Variants in PTCHD4 observed in about 807,000 individuals in gnomAD.
PTCHD4 encodes patched domain-containing protein 4.
Under a neutral mutation model 58.1 loss-of-function variants are expected in PTCHD4, and 33 were observed. The ratio of observed to expected loss-of-function variants is 0.57; its 90% CI spans 0.43 to 0.76. The LOEUF (loss-of-function observed/expected upper bound fraction) is 0.76, where lower values mean the gene tolerates loss of function less well. PTCHD4 is among the 30% of genes least tolerant of loss of function. PTCHD4 has a pLI of 0.00. For synonymous variants in PTCHD4, 478 were observed against 409.6 expected, an observed-to-expected ratio of 1.17 and a Z score of -2.02; for missense variants, 1,058 against 1,027.1, an observed-to-expected ratio of 1.03 and a Z score of -0.41.
intron 3 of PTCHD4, among the ~76,000 whole-genome samples, chr6:48,017,562 G>A (rs2114103318): frequency 6.6e-6 from 1 of 152,288 alleles, no homozygotes; most frequent in East Asian, 1.9e-4. Context: ...GGACTTGGTT[G>A]GAAATTTTTA....
At chr6:48,006,468 A>C (rs1417537471) in intron 4 of PTCHD4, among the ~76,000 whole-genome samples, 2 of 152,208 alleles carry the variant, frequency 1.3e-5, no homozygotes, top group African/African-American at 4.8e-5. Flanking sequence ...AACCCTGGAA[A>C]GCAGTAAGGT....
chr6:47,969,849 A>G (rs1767436179), intron 4 of PTCHD4, among the ~76,000 whole-genome samples: 1 of 152,186 alleles, frequency 6.6e-6, no homozygotes, highest in Non-Finnish European at 1.5e-5. Context: ...GCAAATGAAA[A>G]TTACAGAAAA....
At chr6:48,062,312 A>T (rs973088442) in intron 3 of PTCHD4, among the ~76,000 whole-genome samples, 1 of 152,144 alleles carries the variant, frequency 6.6e-6, no homozygotes, top group Non-Finnish European at 1.5e-5. Flanking sequence ...ATACACTTCC[A>T]TCATGATGTG....
intron 3 of PTCHD4, among the ~76,000 whole-genome samples, chr6:48,018,278 T>C (rs1762935431): frequency 1.3e-5 from 2 of 152,202 alleles, no homozygotes; most frequent in African/African-American, 4.8e-5. Flanking sequence ...AGCACCCTCA[T>C]CTCCAAAATA....
At chr6:48,084,712 T>G (rs1427744873) in intron 1 of PTCHD4, among the ~76,000 whole-genome samples, 1 of 151,496 alleles carries the variant, frequency 6.6e-6, no homozygotes, top group Non-Finnish European at 1.5e-5. Flanking sequence ...TGATTGAGAG[T>G]ACTTTTCTTT....
In PTCHD4 at chr6:47,857,371, G is replaced by T. The variant is rs755759405; in HGVS notation, c.*20932C>A. Among the ~76,000 whole-genome samples the T allele has an allele frequency of 2.6e-5, 4 of 152,042 alleles. No homozygotes were observed. The highest frequency in any genetic ancestry group is 5.9e-5 in the Non-Finnish European group (4 of 67,984). On this transcript the variant is annotated 3_prime_UTR_variant, in exon 5 of 5. Coordinates refer to ENST00000339488, the MANE Select transcript of PTCHD4 (RefSeq NM_001384253.1). ...ATGTAGGGCATAACTTCTATCCTGT[G>T]ATAGTACATCATTAAAAAGTATCTT...
chr6:47,929,072 A>G (rs1765724849), intron 4 of PTCHD4, among the ~76,000 whole-genome samples: 1 of 152,216 alleles, frequency 6.6e-6, no homozygotes, highest in African/African-American at 2.4e-5. Context: ...TATTATAAAA[A>G]TCATACATTG....
At chr6:47,905,690 A>G (rs1319128285) in intron 4 of PTCHD4, among the ~76,000 whole-genome samples, 1 of 152,222 alleles carries the variant, frequency 6.6e-6, no homozygotes, top group Non-Finnish European at 1.5e-5. Context: ...CAATGTGCAT[A>G]ATACATCAAC....
chr6:48,028,757 G>C (rs556066028), intron 3 of PTCHD4, among the ~76,000 whole-genome samples: 3 of 151,946 alleles, frequency 2.0e-5, no homozygotes, highest in Non-Finnish European at 4.4e-5. Context: ...ATTGTTCATA[G>C]TAATCTGACA....
chr6:47,866,889 T>G lies in PTCHD4; in HGVS notation c.*11414A>C, dbSNP rs1266847647. On this transcript the variant is annotated 3_prime_UTR_variant, in exon 5 of 5. Coordinates refer to ENST00000339488, the MANE Select transcript of PTCHD4 (RefSeq NM_001384253.1). ...TTTAAGCATTTTAACAAACTCATTG[T>G]CTTAAAATTTACATTTAGAAAAGGA... Among the ~76,000 whole-genome samples the G allele has an allele frequency of 6.6e-6, 1 of 151,896 alleles. No individual in the cohort carries two copies. The highest frequency in any genetic ancestry group is 1.5e-5 in the Non-Finnish European group (1 of 67,878).
At chr6:47,909,389 T>C (rs780177851) in intron 4 of PTCHD4, among the ~76,000 whole-genome samples, 5 of 152,156 alleles carry the variant, frequency 3.3e-5, no homozygotes, top group Non-Finnish European at 2.9e-5. Flanking sequence ...CATGATATTA[T>C]CATAAACCAG....
rs1208069318 is a variant in PTCHD4 at position 47,859,363 on chromosome 6, G to A, written c.*18940C>T. Among the ~76,000 whole-genome samples the A allele has an allele frequency of 2.6e-5, 4 of 151,944 alleles. No homozygotes were observed. Among genetic ancestry groups the A allele is most frequent in the Admixed American group, 2.0e-4 (3 of 15,220 alleles). The stretch of plus-strand genomic sequence containing the variant: ...TTTAAGCTACTGATAAATATTTAAG[G>A]GAGTGCAGGGGTAGATGTTAATATT... On this transcript the variant is annotated 3_prime_UTR_variant, in exon 5 of 5. Transcript: ENST00000339488.
chr6:47,887,162 A>T (rs16876751), intron 4 of PTCHD4, among the ~76,000 whole-genome samples: 5,379 of 151,360 alleles, frequency 0.036, 149 homozygotes, highest in Non-Finnish European at 0.048. Context: ...TATTATTGTA[A>T]TGATACTTAC....
intron 4 of PTCHD4, among the ~76,000 whole-genome samples, chr6:47,944,527 A>G (rs1335231947): frequency 6.6e-6 from 1 of 152,120 alleles, no homozygotes; most frequent in African/African-American, 2.4e-5. Flanking sequence ...ATATAGTTAA[A>G]GCTTTAACAG....
intron 4 of PTCHD4, among the ~76,000 whole-genome samples, chr6:47,880,566 G>C (rs1295652863): frequency 6.6e-6 from 1 of 152,070 alleles, no homozygotes; most frequent in Admixed American, 6.6e-5. Context: ...TAAAAGACAG[G>C]GCAAGACCTT....
chr6:47,989,207 AT>A (rs1168129031), intron 4 of PTCHD4, among the ~76,000 whole-genome samples: 1 of 152,168 alleles, frequency 6.6e-6, no homozygotes, highest in Non-Finnish European at 1.5e-5. Flanking sequence ...ATCAGAAGAA[AT>A]TTCTAAGCAG....
In PTCHD4 at chr6:47,861,201, C is replaced by T. The variant is rs1763417319; in HGVS notation, c.*17102G>A. Among the ~76,000 whole-genome samples the T allele has an allele frequency of 6.6e-6, 1 of 151,830 alleles. No individual in the cohort carries two copies. Among genetic ancestry groups the T allele is most frequent in the Non-Finnish European group, 1.5e-5 (1 of 67,884 alleles). ...ACTTAGTCCTGATTTTTCTTTAGGC[C>T]ATCCTTCTAAATATGTCTTAGTCAT... is the stretch of plus-strand genomic sequence containing the variant. On this transcript the variant is annotated 3_prime_UTR_variant, in exon 5 of 5. Coordinates refer to ENST00000339488, the MANE Select transcript of PTCHD4 (RefSeq NM_001384253.1).
chr6:48,060,859 T>C (rs1764603351), intron 3 of PTCHD4, among the ~76,000 whole-genome samples: 1 of 152,208 alleles, frequency 6.6e-6, no homozygotes, highest in African/African-American at 2.4e-5. Context: ...AAGAGAACCA[T>C]CGACTGTTCC....
intron 1 of PTCHD4, among the ~76,000 whole-genome samples, chr6:48,110,322 G>T (rs1765839075): frequency 6.6e-6 from 1 of 152,054 alleles, no homozygotes; most frequent in South Asian, 2.1e-4. Flanking sequence ...TGACAACATA[G>T]ATGAACCTGA....
Sources: allele counts gnomAD v4.1 joint callset (sites outside exome capture counted in the v4.1 genomes callset), GRCh38; gene constraint gnomAD v4.1.1; transcripts MANE v1.5; gene names NCBI Gene and HGNC (gene_info 2026-07-23, HGNC 2026-07-21).